The following FBXW5 variants were observed in gnomAD, a reference collection of about 807,000 sequenced individuals.
FBXW5 encodes F-box and WD repeat domain containing 5.
In FBXW5, 74 loss-of-function variants were observed where a neutral mutation model predicts 50.9. The observed-to-expected ratio is 1.45, with a 90% CI of 1.20 to 1.76. The LOEUF is 1.76. Ranked by LOEUF, FBXW5 falls within the 40% of genes most tolerant of loss-of-function variation. The probability of loss-of-function intolerance (pLI) is 0.00; values close to 1 mark genes in which losing one functional copy is unlikely to be tolerated. For synonymous variants in FBXW5, 523 were observed against 362.2 expected (o/e 1.44, Z -5.04); for missense variants, 1,073 against 818.8 (o/e 1.31, Z -3.79).
rs769969613 is a variant in FBXW5 at position 136,942,781 on chromosome 9, C to T, written c.514G>A (p.Val172Ile). Residue 172 changes from valine to isoleucine, a missense_variant, in exon 4 of 9, where the codon GTC (valine) becomes ATC (isoleucine). By Grantham distance (29) the Val-to-Ile change is conservative (BLOSUM62 3). Transcript: ENST00000325285. ...CGCCCGTGCTCACCTAGGCTGATGA[C>T]AGCAATCTCGCCGGATGAGGAGTTG... Reference protein sequence around the residue: ...PHNSSSGEIAVISLDSFALLS... With the variant: ...PHNSSSGEIAIISLDSFALLS... 53 of 1,612,914 alleles carry T rather than the reference C, an allele frequency of 3.3e-5. No homozygotes were observed. Among genetic ancestry groups the T allele is most frequent in the Non-Finnish European group, 3.7e-5 (44 of 1,179,960 alleles).
Position 136,941,604 on chromosome 9 carries a change from C to T in FBXW5, c.1177G>A (p.Asp393Asn), listed in dbSNP as rs372714426. Reference protein sequence around the residue: ...GEGRGSDAFFDALDHVIDIHG... With the variant: ...GEGRGSDAFFNALDHVIDIHG... ...ATGTCTATGACGTGGTCCAGCGCGT[C>T]GAAGAAGGCATCGGAGCCCCGGCCC... The change falls in exon 7 of 9, where the codon GAC becomes AAC. Residue 393 changes from aspartate to asparagine, a missense_variant. Physicochemically the swap from Asp to Asn is conservative, Grantham distance 23 (BLOSUM62 1). Transcript: ENST00000325285. 6.9e-6 allele frequency: 11 copies of T among 1,600,728 alleles called. No homozygotes were observed. The highest frequency in any genetic ancestry group is 2.7e-5 in the African/African-American group (2 of 74,626).
Position 136,941,528 on chromosome 9 carries a change from G to C in FBXW5, c.1244+9C>G. On this transcript the variant is annotated intron_variant, in intron 7 of 8. Coordinates refer to ENST00000325285, the MANE Select transcript of FBXW5 (RefSeq NM_018998.4). The stretch of plus-strand genomic sequence containing the variant: ...GGCACCCCGCCTGGGACACTGGCAA[G>C]AGGCCCACCTGTTGTCGGGCGACAG... The C allele has an allele frequency of 6.2e-7, 1 of 1,609,272 alleles. No individual in the cohort carries two copies. The highest frequency in any genetic ancestry group is 8.5e-7 in the Non-Finnish European group (1 of 1,179,314).
At position 136,944,427 on chromosome 9, in the gene FBXW5, G is replaced by A. The variant is rs1026609088; in HGVS notation, c.-24+167C>T. ...CGGGCTTCCGCCGAGAGGAAGCTCGGGGCGGCCAGGCAGTGGCCTCCGCCC... is the reference window on the plus strand; with the variant it reads ...CGGGCTTCCGCCGAGAGGAAGCTCGAGGCGGCCAGGCAGTGGCCTCCGCCC... On this transcript the variant is annotated intron_variant, in intron 1 of 8. Coordinates refer to ENST00000325285, the MANE Select transcript of FBXW5 (RefSeq NM_018998.4). 1.0e-4 allele frequency: 91 copies of A among 880,582 alleles called. No homozygotes were observed. The African/African-American group carries it at 1.5e-3, about 14-fold the overall frequency. 54.5% of individuals were successfully genotyped at this position (880,582 alleles called of 1,614,324 possible).
chr9:136,941,510 C>T (rs200014282), intron 7 of FBXW5, 27 bp downstream of exon 7: 186 of 1,607,084 alleles, frequency 1.2e-4, no homozygotes, highest in Admixed American at 9.5e-4. Context: ...GCGGGCACCC[C>T]GCCTGGGACA....
rs752319815 is a variant in FBXW5 at position 136,942,425 on chromosome 9, G to C, written c.717C>G (p.Phe239Leu). 3 of 1,603,190 alleles carry C rather than the reference G, an allele frequency of 1.9e-6. No homozygotes were observed. Among genetic ancestry groups the C allele is most frequent in the Admixed American group, 3.3e-5 (2 of 59,742 alleles). Residue 239 changes from phenylalanine to leucine, a missense_variant, in exon 6 of 9, where the codon TTC becomes TTG. Transcript: ENST00000325285. ...SENVNVVKRL[F>L]KIQNLNASTV... ...TGCTGGCATTGAGGTTCTGGATCTTGAACAGCCGCTTCACCACGTTGACGT... is the reference window on the plus strand; with the variant it reads ...TGCTGGCATTGAGGTTCTGGATCTTCAACAGCCGCTTCACCACGTTGACGT...
rs1329705762 is a variant in FBXW5 at position 136,941,691 on chromosome 9, G to T, written c.1097-7C>A. The T allele has an allele frequency of 1.3e-6, 2 of 1,550,618 alleles. No individual in the cohort carries two copies. ...GGCAGGATCTGCTTGATGCCTGCAG[G>T]GAGGGCTACGGTGAGGGTCCCTGTC... On this transcript the variant is annotated splice_region_variant and splice_polypyrimidine_tract_variant and intron_variant, in intron 6 of 8. Coordinates refer to ENST00000325285, the MANE Select transcript of FBXW5 (RefSeq NM_018998.4).
chr9:136,941,265 C>T lies in FBXW5; in HGVS notation c.1443G>A (p.Arg481=), dbSNP rs964886549. The part of the protein sequence containing the change: ...ECFFIFLDVS[R]DFVASGAEDR... ...GCGCCCTGCACCTGGCCACGAAGTC[C>T]CTGCTGACGTCCAGGAAGATGAAGA... The change falls in exon 8 of 9, where the codon AGG becomes AGA. Residue 481 remains arginine, a synonymous_variant. Transcript: ENST00000325285. The T allele has an allele frequency of 3.7e-6, 6 of 1,605,862 alleles. No individual in the cohort carries two copies. Among genetic ancestry groups the T allele is most frequent in the Non-Finnish European group, 5.1e-6 (6 of 1,179,622 alleles).
chr9:136,944,004 A>G lies in FBXW5; in HGVS notation c.80T>C (p.Leu27Pro), dbSNP rs1212103104. 9 of 1,596,616 alleles carry G rather than the reference A, an allele frequency of 5.6e-6. No homozygotes were observed. In the Admixed American group the frequency reaches 1.0e-4, roughly 18 times the overall value. Residue 27 changes from leucine (L) to proline (P), a missense_variant, in exon 2 of 9, where the codon CTG becomes CCG. Physicochemically the swap from Leu to Pro is moderately conservative, Grantham distance 98 (BLOSUM62 -3). Coordinates refer to ENST00000325285, the MANE Select transcript of FBXW5 (RefSeq NM_018998.4). ...TTGGCGGCACACCAGCCCGGCGGCC[A>G]GCACGTCGGCCGGGCCCAGGCTCAG... is the stretch of plus-strand genomic sequence containing the variant. ...IFLSLGPADV[L>P]AAGLVCRQWQ...
rs910225032 is a variant in FBXW5, at chr9:136,944,623, C to A, written c.-53G>T. 3 of 984,914 alleles carry A rather than the reference C, an allele frequency of 3.0e-6. No individual in the cohort carries two copies. In the East Asian group the frequency reaches 3.4e-4, roughly 112 times the overall value. 61.0% of individuals were successfully genotyped at this position (984,914 alleles called of 1,614,324 possible). ...GCCGCCTCCGCCCGCTGCGCCGCCC[C>A]CGCCCTGCGCGACCCGGACCCGCTT... On this transcript the variant is annotated 5_prime_UTR_variant, in exon 1 of 9. Transcript: ENST00000325285.
intron 1 of FBXW5, 41 bp downstream of exon 1, chr9:136,944,553 G>T: frequency 1.0e-6 from 1 of 983,638 alleles, no homozygotes; most frequent in Non-Finnish European, 1.2e-6. Context: ...GGCGGGCGGG[G>T]ACGACAAGGC....
At chr9:136,941,787 A>G in intron 6 of FBXW5, 103 bp from the exon 7 acceptor site, 1 of 1,463,392 alleles carries the variant, frequency 6.8e-7, no homozygotes, top group Non-Finnish European at 9.0e-7. Context: ...TGAGCACCAC[A>G]GAGGTCCGTG....
Position 136,943,998 on chromosome 9 carries a change from G to GCGGCCAGCACGT in FBXW5, c.74_85dup (p.Asp25_Ala28dup), listed in dbSNP as rs757853614. 70 of 1,592,968 alleles carry GCGGCCAGCACGT rather than the reference G, an allele frequency of 4.4e-5. No homozygotes were observed. Among genetic ancestry groups the GCGGCCAGCACGT allele is most frequent in the Non-Finnish European group, 5.7e-5 (67 of 1,171,008 alleles). On this transcript the variant is annotated inframe_insertion, in exon 2 of 9. Coordinates refer to ENST00000325285, the MANE Select transcript of FBXW5 (RefSeq NM_018998.4). ...CTGCCATTGGCGGCACACCAGCCCGGCGGCCAGCACGTCGGCCGGGCCCAG... is the reference window on the plus strand; with the variant it reads ...CTGCCATTGGCGGCACACCAGCCCGGCGGCCAGCACGTCGGCCAGCACGTCGGCCGGGCCCAG...
chr9:136,944,393 G>T (rs1164963252), intron 1 of FBXW5: 2 of 747,748 alleles, frequency 2.7e-6, no homozygotes, highest in Admixed American at 5.7e-5. Context: ...ACCAGGCGCC[G>T]TCCGGGGACG....
chr9:136,941,991 CG>C, intron 6 of FBXW5, 54 bp downstream of exon 6: 3 of 1,529,408 alleles, frequency 2.0e-6, no homozygotes, highest in Non-Finnish European at 2.6e-6. Flanking sequence ...GACCCCTGCC[CG>C]GCCTCCCCCA....
Position 136,940,780 on chromosome 9 carries a change from TTG to T in FBXW5, c.*146_*147del, listed in dbSNP as rs1850719001. 8 of 1,238,486 alleles carry T rather than the reference TTG, an allele frequency of 6.5e-6. No individual in the cohort carries two copies. The highest frequency in any genetic ancestry group is 1.5e-5 in the South Asian group (1 of 66,040). 76.7% of individuals were successfully genotyped at this position (1,238,486 alleles called of 1,614,324 possible). On this transcript the variant is annotated 3_prime_UTR_variant, in exon 9 of 9. Coordinates refer to ENST00000325285, the MANE Select transcript of FBXW5 (RefSeq NM_018998.4). ...AAGCATCACAGCTGCGTGAGCAGGTTTGTGTGTGAGCGTGTGGCGGGGCCTGG... is the reference window on the plus strand; with the variant it reads ...AAGCATCACAGCTGCGTGAGCAGGTTTGTGTGAGCGTGTGGCGGGGCCTGG...
At position 136,943,306 on chromosome 9, in the gene FBXW5, G is replaced by A. The variant is rs182304407; in HGVS notation, c.351+43C>T. 86 of 1,595,446 alleles carry A rather than the reference G, an allele frequency of 5.4e-5. No individual in the cohort carries two copies. The African/African-American group carries it at 5.8e-4, about 11-fold the overall frequency. ...CTGGGTCCTGGGACCTCCGTGCTGC[G>A]GCAGAGCTGGGTGGGGTGTGCAGGA... On this transcript the variant is annotated intron_variant, in intron 3 of 8. Coordinates refer to ENST00000325285, the MANE Select transcript of FBXW5 (RefSeq NM_018998.4).
Position 136,942,235 on chromosome 9 carries a change from G to A in FBXW5, c.907C>T (p.Arg303Trp), listed in dbSNP as rs780770749. 8.8e-6 allele frequency: 14 copies of A among 1,587,548 alleles called. No homozygotes were observed. Among genetic ancestry groups the A allele is most frequent in the East Asian group, 2.3e-5 (1 of 43,474 alleles). The change falls in exon 6 of 9, where the codon CGG (arginine) becomes TGG (tryptophan). Residue 303 changes from arginine (R) to tryptophan (W), a missense_variant. Transcript: ENST00000325285. ...PAPAHAKEGL[R>W]HFLDRVLEGR... ...TCCAGCACGCGGTCCAGAAAGTGCC[G>A]CAAGCCCTCCTTGGCGTGGGCGGGG...
Position 136,941,544 on chromosome 9 carries a change from C to CG in FBXW5, c.1236dup (p.Asp413ArgfsTer32). On this transcript the variant is annotated frameshift_variant, in exon 7 of 9. Transcript: ENST00000325285. LOFTEE classifies it high-confidence loss of function. ...CACTGGCAAGAGGCCCACCTGTTGT[C>CG]GGGCGACAGGCCCATGCCGATGATG... 6.2e-7 allele frequency: 1 copy of CG among 1,610,226 alleles called. No homozygotes were observed. The highest frequency in any genetic ancestry group is 8.5e-7 in the Non-Finnish European group (1 of 1,179,478).
chr9:136,942,857 G>A lies in FBXW5; in HGVS notation c.438C>T (p.Phe146=). ...CCAGCAGTAGCGAGTCGTCCTTGTT[G>A]AACTGGGAGAACTGGGTGTAGCTCC... ...YNWSYTQFSQ[F]NKDDSLLLAS... is the part of the protein sequence containing the mutation. The change falls in exon 4 of 9, where the codon TTC becomes TTT. Residue 146 remains phenylalanine, a synonymous_variant. Coordinates refer to ENST00000325285, the MANE Select transcript of FBXW5 (RefSeq NM_018998.4). The A allele has an allele frequency of 6.2e-7, 1 of 1,613,568 alleles. No individual in the cohort carries two copies. Among genetic ancestry groups the A allele is most frequent in the Non-Finnish European group, 8.5e-7 (1 of 1,179,992 alleles).
Sources: gnomAD v4.1 joint callset for allele counts on GRCh38, gnomAD v4.1.1 for gene constraint, MANE v1.5 for transcripts, NCBI Gene and HGNC (gene_info 2026-07-23, HGNC 2026-07-21) for gene names.